Variants in PALS2 observed in about 807,000 individuals in gnomAD.
PALS2 encodes protein associated with LIN7 2, MAGUK p55 family member, also known as protein PALS2.
Under a neutral mutation model 61.6 loss-of-function variants are expected in PALS2, and 27 were observed. The observed-to-expected ratio is 0.44, with a 90% CI of 0.32 to 0.60. The LOEUF (loss-of-function observed/expected upper bound fraction) is 0.60. Ranked by LOEUF, PALS2 falls within the 20% of genes least tolerant of loss-of-function variation. PALS2 has a pLI of 0.05. For synonymous variants in PALS2, 236 were observed against 218.6 expected (o/e 1.08, Z -0.70); for missense variants, 554 against 639.4 (o/e 0.87, Z 1.44).
intron 1 of PALS2, among the ~76,000 whole-genome samples, chr7:24,619,424 A>C (rs1475945434): frequency 1.3e-5 from 2 of 152,152 alleles, no homozygotes; most frequent in Admixed American, 1.3e-4. Context: ...CCCATGTAAG[A>C]ATCCCATTTA....
intron 10 of PALS2, 130 bp downstream of exon 10, chr7:24,679,463 T>G (rs1299634768): frequency 1.2e-6 from 1 of 800,636 alleles, no homozygotes; most frequent in African/African-American, 1.7e-5. Flanking sequence ...CCATTACCTT[T>G]GGGTGATAGA....
chr7:24,627,625 C>G (rs1325712060), intron 2 of PALS2, among the ~76,000 whole-genome samples: 4 of 151,750 alleles, frequency 2.6e-5, no homozygotes, highest in Non-Finnish European at 4.4e-5. Flanking sequence ...GCTAGCCAGA[C>G]TAGTAAAGAA....
rs757869072 is a variant in PALS2 at position 24,582,883 on chromosome 7, CTTTT to C, written c.-3+9313_-3+9316del. Among the ~76,000 whole-genome samples, 10 of 57,476 alleles carry C rather than the reference CTTTT, an allele frequency of 1.7e-4. No individual in the cohort carries two copies. The South Asian group carries it at 6.0e-3, about 34-fold the overall frequency. The allele number at this position is 57,476 out of a possible 152,430, so 37.7% of individuals were successfully genotyped here. On this transcript the variant is annotated intron_variant, in intron 1 of 11. Transcript: ENST00000222644. ...GCTTATTTTTGAAATGATAGTCATG[CTTTT>C]TTTTTTTTTTTTTTTTTTTTTTGAG... is the stretch of plus-strand genomic sequence containing the variant.
Position 24,668,614 on chromosome 7 carries a change from C to G in PALS2, c.1068C>G (p.Asn356Lys), listed in dbSNP as rs1190267878. 6.2e-7 allele frequency: 1 copy of G among 1,613,788 alleles called. No individual in the cohort carries two copies. The highest frequency in any genetic ancestry group is 8.5e-7 in the Non-Finnish European group (1 of 1,179,914). The change falls in exon 9 of 12, where the codon AAC (asparagine) becomes AAG (lysine). Residue 356 changes from asparagine to lysine, a missense_variant. Physicochemically the swap from Asn to Lys is moderately conservative, Grantham distance 94. Transcript: ENST00000222644. ...AQGVGRRSLK[N>K]RFIVLNPTRF... ...GTGTAGGCCGAAGAAGCTTGAAAAA[C>G]AGGTTCATAGTATTGAATCCCACTA...
intron 1 of PALS2, among the ~76,000 whole-genome samples, chr7:24,602,009 C>A (rs78699580): frequency 0.016 from 2,444 of 152,010 alleles, 77 homozygotes; most frequent in African/African-American, 0.057. Flanking sequence ...GTTTTTCTCC[C>A]CTCCATTTTG....
chr7:24,670,653 C>A (rs1464379363), intron 9 of PALS2, among the ~76,000 whole-genome samples: 1 of 152,202 alleles, frequency 6.6e-6, no homozygotes, highest in East Asian at 1.9e-4. Context: ...AAAGCTGTTA[C>A]AACGTCTTCA....
rs1784372872 is a variant in PALS2, at chr7:24,618,472, G to A, written c.-2-5194G>A. 6.6e-6 allele frequency among the ~76,000 whole-genome samples: 1 copy of A among 152,202 alleles called. No homozygotes were observed. The highest frequency in any genetic ancestry group is 6.5e-5 in the Admixed American group (1 of 15,282). On this transcript the variant is annotated intron_variant, in intron 1 of 11. Coordinates refer to ENST00000222644, the MANE Select transcript of PALS2 (RefSeq NM_001303037.2). The surrounding 1 kb of genome is among the most constrained non-coding windows in gnomAD (Gnocchi z 5.1). ...AAATGGTTCTGGTCTCAAGGTGATC[G>A]GTGACATGCTGCAGCAGCTTGGCTC... is the stretch of plus-strand genomic sequence containing the variant.
At chr7:24,647,349 A>G (rs930453926) in intron 3 of PALS2, among the ~76,000 whole-genome samples, 2 of 152,042 alleles carry the variant, frequency 1.3e-5, no homozygotes, top group African/African-American at 4.8e-5. Context: ...GTGTTTCACT[A>G]TGTTGGCCAG....
chr7:24,664,775 CTG>C (rs1786928569), intron 6 of PALS2, among the ~76,000 whole-genome samples: 1 of 152,096 alleles, frequency 6.6e-6, no homozygotes, highest in African/African-American at 2.4e-5. Context: ...AAAAATCTCT[CTG>C]TGGCTGTTTC....
chr7:24,647,852 C>T (rs947962512), intron 3 of PALS2, among the ~76,000 whole-genome samples: 13 of 151,982 alleles, frequency 8.6e-5, no homozygotes, highest in African/African-American at 2.2e-4. Context: ...TTCAAATTGC[C>T]GTGACTTTGA....
chr7:24,685,541 C>A (rs1287073084), intron 11 of PALS2, among the ~76,000 whole-genome samples: 1 of 152,050 alleles, frequency 6.6e-6, no homozygotes, highest in Non-Finnish European at 1.5e-5. Context: ...ACAAAATGTG[C>A]CTGCATTTTT....
At chr7:24,582,744 T>C (rs1782893184) in intron 1 of PALS2, among the ~76,000 whole-genome samples, 1 of 151,962 alleles carries the variant, frequency 6.6e-6, no homozygotes, top group Non-Finnish European at 1.5e-5. Context: ...CTATCTTCTA[T>C]CCTTGTATAA....
At chr7:24,637,534 T>G (rs1219611464) in intron 2 of PALS2, among the ~76,000 whole-genome samples, 1 of 152,132 alleles carries the variant, frequency 6.6e-6, no homozygotes, top group Admixed American at 6.5e-5. Context: ...ACTTAGCTTT[T>G]TCAAGAAATA....
At chr7:24,595,487 A>T (rs1218889079) in intron 1 of PALS2, among the ~76,000 whole-genome samples, 1 of 130,026 alleles carries the variant, frequency 7.7e-6, no homozygotes, top group Non-Finnish European at 1.6e-5. Context: ...GTAAATATAT[A>T]TTATATATTT....
chr7:24,680,341 A>G (rs1206639521), intron 10 of PALS2, 51 bp from the exon 11 acceptor site: 6 of 1,555,416 alleles, frequency 3.9e-6, no homozygotes, highest in Middle Eastern at 1.7e-4. Context: ...GGGTAGCAGA[A>G]TTCTAGTTCT....
intron 1 of PALS2, chr7:24,589,452 A>G (rs1390347652): frequency 1.3e-5 from 2 of 152,320 alleles, no homozygotes; most frequent in African/African-American, 4.8e-5. Context: ...AAGAAGTTTC[A>G]GGTACCTCAT....
chr7:24,617,690 G>A (rs1417746891), intron 1 of PALS2, among the ~76,000 whole-genome samples: 1 of 152,206 alleles, frequency 6.6e-6, no homozygotes, highest in East Asian at 1.9e-4. Flanking sequence ...GGCTGCGATG[G>A]TGCAGCTTTG....
At chr7:24,576,397 T>C (rs1782644247) in intron 1 of PALS2, among the ~76,000 whole-genome samples, 1 of 152,190 alleles carries the variant, frequency 6.6e-6, no homozygotes, top group Non-Finnish European at 1.5e-5. Context: ...TTTACATACA[T>C]TGGCTGCTAA....
rs898170597 is a variant in PALS2 at position 24,678,980 on chromosome 7, T to C, written c.1115-151T>C. Reference sequence around the variant, plus strand: ...GTATGGCTGTGGTCCAATAAAACTTTATTTACAAAAATAAGAAGCAGATCA... The same window carrying C: ...GTATGGCTGTGGTCCAATAAAACTTCATTTACAAAAATAAGAAGCAGATCA... On this transcript the variant is annotated intron_variant, in intron 9 of 11. Coordinates refer to ENST00000222644, the MANE Select transcript of PALS2 (RefSeq NM_001303037.2). The C allele has an allele frequency of 1.2e-5, 8 of 643,636 alleles. No homozygotes were observed. In the African/African-American group the frequency reaches 1.3e-4, roughly 10 times the overall value. 39.9% of individuals were successfully genotyped at this position (643,636 alleles called of 1,614,324 possible).
Sources: gnomAD v4.1 joint callset for allele counts (sites outside exome capture counted in the v4.1 genomes callset) on GRCh38, gnomAD v4.1.1 for gene constraint, Gnocchi (gnomAD v3.1) non-coding constraint, MANE v1.5 for transcripts, NCBI Gene and HGNC (gene_info 2026-07-23, HGNC 2026-07-21) for gene names.